Variants in COL22A1 observed in about 807,000 individuals in gnomAD.
COL22A1 encodes the protein collagen alpha-1(XXII) chain.
Under a neutral mutation model 248.9 loss-of-function variants are expected in COL22A1, and 221 were observed. The observed-to-expected ratio is 0.89, with a 90% CI of 0.80 to 0.99. COL22A1 has a LOEUF of 0.99. Ranked by LOEUF, COL22A1 falls within the 50% of genes least tolerant of loss-of-function variation. COL22A1 has a pLI of 0.00. For synonymous variants in COL22A1, 891 were observed against 793.4 expected, an observed-to-expected ratio of 1.12 and a Z score of -2.07; for missense variants, 2,240 against 2,179.0, an observed-to-expected ratio of 1.03 and a Z score of -0.56.
At chr8:138,637,426 C>G (rs1821289028) in intron 47 of COL22A1, among the ~76,000 whole-genome samples, 1 of 152,152 alleles carries the variant, frequency 6.6e-6, no homozygotes, top group African/African-American at 2.4e-5. Flanking sequence ...TGAGGAGCCA[C>G]TTCACTAAAA....
chr8:138,900,943 T>C (rs1218819263), intron 1 of COL22A1, among the ~76,000 whole-genome samples: 3 of 152,122 alleles, frequency 2.0e-5, no homozygotes, highest in African/African-American at 7.2e-5. Context: ...GTGACTTGGG[T>C]AGGACATTTT....
chr8:138,594,342 A>G (rs1817348037), intron 62 of COL22A1, 143 bp from the exon 63 acceptor site: 1 of 627,428 alleles, frequency 1.6e-6, no homozygotes, highest in African/African-American at 2.0e-5. Flanking sequence ...CTCACTGACA[A>G]CTCAGAACCA....
chr8:138,779,565 G>A lies in COL22A1; in HGVS notation c.1651-3C>T, dbSNP rs1365587421. The A allele has an allele frequency of 6.2e-7, 1 of 1,611,174 alleles. No homozygotes were observed. The highest frequency in any genetic ancestry group is 8.5e-7 in the Non-Finnish European group (1 of 1,177,522). ...TCTCCCAGCTCTCCTGGCTCCCCCT[G>A]AACAAACAAAACAACACAAAGTCAT... On this transcript the variant is annotated splice_region_variant and splice_polypyrimidine_tract_variant and intron_variant, in intron 13 of 64. Transcript: ENST00000303045.
At chr8:138,639,600 A>G (rs143207403) in intron 47 of COL22A1, among the ~76,000 whole-genome samples, 475 of 152,332 alleles carry the variant, frequency 3.1e-3, no homozygotes, top group African/African-American at 0.01. Flanking sequence ...CGCCCCACTC[A>G]GTTTACTGAA....
Position 138,591,514 on chromosome 8 carries a change from A to G in COL22A1, c.4616-13T>C. 1 of 1,527,932 alleles carries G rather than the reference A, an allele frequency of 6.5e-7. No homozygotes were observed. Among genetic ancestry groups the G allele is most frequent in the South Asian group, 1.3e-5 (1 of 78,786 alleles). The allele number at this position is 1,527,932 out of a possible 1,614,324, so 94.6% of individuals were successfully genotyped here. A position where few individuals can be genotyped will look rare whatever the true frequency, so the allele number is the denominator to read the frequency against. The stretch of plus-strand genomic sequence containing the variant: ...GCTCCTCGCTCACCTGGGAAGAAAA[A>G]CATGCACTTTTGATGGTGGAGACCC... On this transcript the variant is annotated splice_polypyrimidine_tract_variant and intron_variant, in intron 63 of 64. Coordinates refer to ENST00000303045, the MANE Select transcript of COL22A1 (RefSeq NM_152888.3).
At position 138,609,078 on chromosome 8, in the gene COL22A1, C is replaced by T. The variant is rs73448895; in HGVS notation, c.3979-1089G>A. On this transcript the variant is annotated intron_variant, in intron 56 of 64. Transcript: ENST00000303045. ...TGCATTCACAAATGCGTTGGATTCA[C>T]GGAAGCATGTTCCACTATAAAGTAG... Among the ~76,000 whole-genome samples, 739 of 152,352 alleles carry T rather than the reference C, an allele frequency of 4.9e-3. 4 individuals are homozygous for T. Among genetic ancestry groups the T allele is most frequent in the African/African-American group, 0.016 (653 of 41,576 alleles).
chr8:138,703,648 T>G (rs559219572), intron 30 of COL22A1, among the ~76,000 whole-genome samples: 1 of 152,260 alleles, frequency 6.6e-6, no homozygotes, highest in East Asian at 1.9e-4. Flanking sequence ...TAAATGGTAA[T>G]AAAGTGAAGG....
rs1826824058 is a variant in COL22A1, at chr8:138,691,229, A to T, written c.2755-355T>A. 1.3e-5 allele frequency among the ~76,000 whole-genome samples: 2 copies of T among 152,244 alleles called. 1 individual carries two copies. Among genetic ancestry groups the T allele is most frequent in the South Asian group, 4.1e-4 (2 of 4,832 alleles). On this transcript the variant is annotated intron_variant, in intron 35 of 64. Coordinates refer to ENST00000303045, the MANE Select transcript of COL22A1 (RefSeq NM_152888.3). The stretch of plus-strand genomic sequence containing the variant: ...TGAGGTTTGGCCTTATCCTAAGTGC[A>T]TGAGGAAAAGGAAACATTGAAAAAT...
intron 56 of COL22A1, among the ~76,000 whole-genome samples, chr8:138,608,884 G>A (rs368162123): frequency 2.0e-5 from 3 of 152,130 alleles, no homozygotes; most frequent in Non-Finnish European, 2.9e-5. Context: ...ACGCCTTGTC[G>A]TTCTTTGGAT....
intron 1 of COL22A1, among the ~76,000 whole-genome samples, chr8:138,898,133 G>A (rs1814264284): frequency 6.6e-6 from 1 of 152,134 alleles, no homozygotes; most frequent in Non-Finnish European, 1.5e-5. Context: ...ATTACATTAG[G>A]AATTAGATTT....
At chr8:138,848,301 T>C (rs1264649965) in intron 3 of COL22A1, among the ~76,000 whole-genome samples, 4 of 152,220 alleles carry the variant, frequency 2.6e-5, no homozygotes, top group Non-Finnish European at 5.9e-5. Context: ...AAGTGGAACA[T>C]TCTAGACTTC....
At chr8:138,819,411 A>G (rs1818921025) in intron 7 of COL22A1, among the ~76,000 whole-genome samples, 1 of 152,076 alleles carries the variant, frequency 6.6e-6, no homozygotes, top group South Asian at 2.1e-4. Context: ...GGGAACCATC[A>G]GTAAACATAG....
chr8:138,598,282 G>A (rs1410108223), intron 61 of COL22A1, among the ~76,000 whole-genome samples: 1 of 152,190 alleles, frequency 6.6e-6, no homozygotes, highest in Non-Finnish European at 1.5e-5. Context: ...GCAGATACAA[G>A]AGTGGCATAG....
intron 1 of COL22A1, among the ~76,000 whole-genome samples, chr8:138,896,131 G>C (rs1383549412): frequency 6.6e-6 from 1 of 152,148 alleles, no homozygotes; most frequent in Non-Finnish European, 1.5e-5. Context: ...GCTTACCTTT[G>C]AAGAATTGCT....
chr8:138,709,952 C>CA (rs1185663741), intron 30 of COL22A1, among the ~76,000 whole-genome samples: 1 of 152,136 alleles, frequency 6.6e-6, no homozygotes, highest in Non-Finnish European at 1.5e-5. Flanking sequence ...CTAGGGATGC[C>CA]AGCAGGCCCT....
chr8:138,616,191 C>A, intron 54 of COL22A1, 137 bp from the exon 55 acceptor site: 1 of 743,080 alleles, frequency 1.3e-6, no homozygotes, highest in Non-Finnish European at 2.3e-6. Flanking sequence ...GAGCCCCAGC[C>A]CTGAGTTGAG....
chr8:138,763,784 T>G (rs1264207571), intron 16 of COL22A1, among the ~76,000 whole-genome samples: 2 of 152,158 alleles, frequency 1.3e-5, no homozygotes, highest in Non-Finnish European at 2.9e-5. Context: ...AGATTCAGTG[T>G]CCCCTCCTGA....
chr8:138,724,032 C>A (rs1449137405), intron 25 of COL22A1, among the ~76,000 whole-genome samples: 2 of 151,478 alleles, frequency 1.3e-5, no homozygotes, highest in African/African-American at 4.9e-5. Flanking sequence ...GGCCCAGGGG[C>A]CTCCCTGAGG....
chr8:138,762,071 G>A (rs1320622911), intron 17 of COL22A1, among the ~76,000 whole-genome samples: 1 of 152,150 alleles, frequency 6.6e-6, no homozygotes, highest in Non-Finnish European at 1.5e-5. Context: ...AGGAGCACTG[G>A]GGCTGTCTTG....
Sources: allele counts gnomAD v4.1 joint callset (sites outside exome capture counted in the v4.1 genomes callset), GRCh38; gene constraint gnomAD v4.1.1; transcripts MANE v1.5; gene names NCBI Gene and HGNC (gene_info 2026-07-23, HGNC 2026-07-21).